ZC2HC1A: variants seen among roughly 807,000 people sequenced by gnomAD.
ZC2HC1A encodes zinc finger C2HC domain-containing protein 1A.
ZC2HC1A carries 28 observed loss-of-function variants against 40.7 expected under a neutral mutation model. The ratio of observed to expected loss-of-function variants is 0.69; its 90% CI spans 0.51 to 0.94. The LOEUF (loss-of-function observed/expected upper bound fraction) is 0.94. Among genes scored for constraint, ZC2HC1A ranks in the 40% least tolerant of loss-of-function variants. ZC2HC1A has a pLI of 0.00. For synonymous variants in ZC2HC1A, 129 were observed against 129.2 expected (o/e 1.00, Z 0.01); for missense variants, 389 against 386.3 (o/e 1.01, Z -0.06).
At chr8:78,676,092 A>G (rs1036807732) in intron 2 of ZC2HC1A, 17 of 353,274 alleles carry the variant, frequency 4.8e-5, no homozygotes, top group Non-Finnish European at 8.1e-5. Flanking sequence ...GGTATTCCTC[A>G]TTTTACGAGA....
chr8:78,669,049 GT>G (rs1322526254), intron 1 of ZC2HC1A, among the ~76,000 whole-genome samples: 1 of 150,304 alleles, frequency 6.7e-6, no homozygotes, highest in Non-Finnish European at 1.5e-5. Flanking sequence ...GTAGCCCTTG[GT>G]TTAAAGATAG....
At chr8:78,678,886 A>G in intron 3 of ZC2HC1A, 1 of 310,946 alleles carries the variant, frequency 3.2e-6, no homozygotes, top group East Asian at 5.4e-5. Context: ...TAAGCTTCTA[A>G]ACTTCAAAGA....
intron 7 of ZC2HC1A, among the ~76,000 whole-genome samples, chr8:78,711,141 C>A (rs1341321318): frequency 6.6e-6 from 1 of 152,100 alleles, no homozygotes; most frequent in Non-Finnish European, 1.5e-5. Context: ...TTAAAAAGAA[C>A]AGACTTTTAA....
chr8:78,684,346 G>A (rs1173050434), intron 3 of ZC2HC1A, among the ~76,000 whole-genome samples: 1 of 152,212 alleles, frequency 6.6e-6, no homozygotes, highest in Non-Finnish European at 1.5e-5. Context: ...CTTACATGAT[G>A]GCAGGCAAGA....
At chr8:78,684,992 A>G (rs187293793) in intron 3 of ZC2HC1A, among the ~76,000 whole-genome samples, 14 of 152,176 alleles carry the variant, frequency 9.2e-5, no homozygotes, top group Non-Finnish European at 2.9e-5. Flanking sequence ...AAAAGTTTAC[A>G]TCAAAAAATT....
At chr8:78,714,829 G>A (rs529540458) in intron 7 of ZC2HC1A, among the ~76,000 whole-genome samples, 1 of 152,038 alleles carries the variant, frequency 6.6e-6, no homozygotes, top group South Asian at 2.1e-4. Flanking sequence ...TAACTACATC[G>A]TATATGCCTA....
At chr8:78,667,523 G>A (rs1809332825) in intron 1 of ZC2HC1A, among the ~76,000 whole-genome samples, 1 of 152,024 alleles carries the variant, frequency 6.6e-6, no homozygotes, top group Non-Finnish European at 1.5e-5. Context: ...GTTTTGAACA[G>A]TTTGCAGATT....
At chr8:78,671,121 A>G (rs1311056823) in intron 1 of ZC2HC1A, among the ~76,000 whole-genome samples, 1 of 152,182 alleles carries the variant, frequency 6.6e-6, no homozygotes, top group Non-Finnish European at 1.5e-5. Context: ...TTCTTTGAAA[A>G]TGTTCTCTCA....
intron 7 of ZC2HC1A, chr8:78,711,900 T>A: frequency 1.4e-6 from 1 of 732,514 alleles, no homozygotes; most frequent in African/African-American, 1.9e-5. Flanking sequence ...AGTAGATATC[T>A]GATGAACCAG....
chr8:78,672,844 A>T (rs971680964), intron 1 of ZC2HC1A, among the ~76,000 whole-genome samples: 3 of 152,202 alleles, frequency 2.0e-5, no homozygotes, highest in Admixed American at 1.3e-4. Flanking sequence ...CAATGAAACT[A>T]AAGAAAACAT....
chr8:78,675,720 C>T (rs2130430064), intron 1 of ZC2HC1A, 67 bp from the exon 2 acceptor site: 2 of 1,391,664 alleles, frequency 1.4e-6, no homozygotes, highest in Non-Finnish European at 9.9e-7. Flanking sequence ...TAAGAGAAAA[C>T]ATTAAAATGT....
At position 78,689,286 on chromosome 8, in the gene ZC2HC1A, T is replaced by C; in HGVS notation, c.417T>C (p.Asn139=). 2 of 1,602,220 alleles carry C rather than the reference T, an allele frequency of 1.2e-6. No individual in the cohort carries two copies. The highest frequency in any genetic ancestry group is 1.7e-6 in the Non-Finnish European group (2 of 1,174,120). ...FNENAADRHI[N]FCKEQAARIS... ...AAAATGCAGCTGATAGACATATAAA[T>C]TTCTGTAAAGAACAGGCAGCACGTA... Residue 139 remains asparagine (N), a synonymous_variant, in exon 5 of 9, where the codon AAT becomes AAC. Transcript: ENST00000263849.
chr8:78,707,511 A>G (rs997532328), intron 7 of ZC2HC1A, among the ~76,000 whole-genome samples: 1 of 152,240 alleles, frequency 6.6e-6, no homozygotes, highest in African/African-American at 2.4e-5. Context: ...TCTGACCAAC[A>G]TACCTGGTTA....
intron 2 of ZC2HC1A, among the ~76,000 whole-genome samples, chr8:78,677,712 C>G (rs1241913964): frequency 6.6e-6 from 1 of 151,864 alleles, no homozygotes; most frequent in African/African-American, 2.4e-5. Context: ...TGTTACAGGG[C>G]AGATAAATAT....
At chr8:78,684,216 A>G (rs1260523033) in intron 3 of ZC2HC1A, among the ~76,000 whole-genome samples, 1 of 152,228 alleles carries the variant, frequency 6.6e-6, no homozygotes, top group Admixed American at 6.5e-5. Flanking sequence ...TCATACTGCT[A>G]TGAAGAAATA....
chr8:78,670,489 A>C (rs887832290), intron 1 of ZC2HC1A, among the ~76,000 whole-genome samples: 1 of 152,190 alleles, frequency 6.6e-6, no homozygotes, highest in Non-Finnish European at 1.5e-5. Context: ...TCTTTTTTTA[A>C]GACTAAGGGA....
chr8:78,717,146 TAAAA>T (rs370508243), intron 8 of ZC2HC1A, among the ~76,000 whole-genome samples, 178 bp from the exon 9 acceptor site: 254 of 151,450 alleles, frequency 1.7e-3, no homozygotes, highest in African/African-American at 5.4e-3. Context: ...AATATAATGT[TAAAA>T]AAAAATGTTA....
intron 5 of ZC2HC1A, among the ~76,000 whole-genome samples, chr8:78,695,255 G>T (rs1445278483): frequency 6.6e-6 from 1 of 152,172 alleles, no homozygotes; most frequent in Admixed American, 6.5e-5. Context: ...TAGTAAAATA[G>T]TGGGAAGTCT....
At chr8:78,667,759 A>C (rs1372934313) in intron 1 of ZC2HC1A, among the ~76,000 whole-genome samples, 1 of 152,172 alleles carries the variant, frequency 6.6e-6, no homozygotes, top group Admixed American at 6.5e-5. Flanking sequence ...AGTGGACCTT[A>C]CATTTTAACA....
Sources: gnomAD v4.1 joint callset for allele counts (sites outside exome capture counted in the v4.1 genomes callset) on GRCh38, gnomAD v4.1.1 for gene constraint, MANE v1.5 for transcripts, NCBI Gene and HGNC (gene_info 2026-07-23, HGNC 2026-07-21) for gene names.